RBFOX3: variants seen among roughly 807,000 people sequenced by gnomAD.
The protein encoded by RBFOX3 is RNA binding protein fox-1 homolog 3.
RBFOX3 carries 17 observed loss-of-function variants against 48.7 expected under a neutral mutation model. The observed-to-expected ratio is 0.35, with a 90% CI of 0.24 to 0.52. The LOEUF (loss-of-function observed/expected upper bound fraction) is 0.52. RBFOX3 is among the 20% of genes least tolerant of loss of function. The pLI is 0.94. For synonymous variants in RBFOX3, 212 were observed against 209.5 expected, an observed-to-expected ratio of 1.01 and a Z score of -0.10; for missense variants, 382 against 497.5, an observed-to-expected ratio of 0.77 and a Z score of 2.21.
intron 3 of RBFOX3, among the ~76,000 whole-genome samples, chr17:79,277,308 G>GTGT (rs1600371156): frequency 2.0e-5 from 3 of 148,252 alleles, no homozygotes; most frequent in African/African-American, 7.5e-5. Context: ...TGGGGAGGGG[G>GTGT]GGGGTAGTGC....
chr17:79,533,199 C>A (rs1472475638), intron 1 of RBFOX3, among the ~76,000 whole-genome samples: 1 of 152,250 alleles, frequency 6.6e-6, no homozygotes, highest in East Asian at 1.9e-4. Flanking sequence ...TTCATGTCTA[C>A]TTCATGGCCT....
intron 3 of RBFOX3, among the ~76,000 whole-genome samples, chr17:79,256,954 A>G (rs200607786): frequency 3.6e-5 from 4 of 111,274 alleles, no homozygotes; most frequent in Non-Finnish European, 8.6e-5. Context: ...AAAACAAAAA[A>G]AAAACAAAAA....
chr17:79,251,562 C>A (rs1272752376), intron 3 of RBFOX3, among the ~76,000 whole-genome samples: 1 of 152,304 alleles, frequency 6.6e-6, no homozygotes. Flanking sequence ...TTCCTTAACA[C>A]CTTCTGTACC....
At chr17:79,587,672 C>T (rs2093295420) in intron 1 of RBFOX3, among the ~76,000 whole-genome samples, 1 of 152,178 alleles carries the variant, frequency 6.6e-6, no homozygotes, top group Admixed American at 6.5e-5. Flanking sequence ...CTTCAGACCA[C>T]AAGCTTCGGA....
At position 79,359,625 on chromosome 17, in the gene RBFOX3, C is replaced by T. The variant is rs192614211; in HGVS notation, c.-174-51801G>A. Among the ~76,000 whole-genome samples, 52 of 152,254 alleles carry T rather than the reference C, an allele frequency of 3.4e-4. No homozygotes were observed. The East Asian group carries it at 5.2e-3, about 15-fold the overall frequency. ...GAGAAAATCACCCACCTCTCCACCC[C>T]GACTAAGGCAGGACCATAGGATGGG... On this transcript the variant is annotated intron_variant, in intron 2 of 14. Transcript: ENST00000693108.
intron 1 of RBFOX3, among the ~76,000 whole-genome samples, chr17:79,588,358 G>C (rs936527922): frequency 6.6e-6 from 1 of 152,158 alleles, no homozygotes; most frequent in African/African-American, 2.4e-5. Flanking sequence ...GAGACATTCT[G>C]GGCTTCATCC....
At chr17:79,334,476 G>C (rs1805008233) in intron 2 of RBFOX3, among the ~76,000 whole-genome samples, 1 of 152,180 alleles carries the variant, frequency 6.6e-6, no homozygotes, top group African/African-American at 2.4e-5. Flanking sequence ...TGCATCCTTA[G>C]TGTTCAGATC....
intron 4 of RBFOX3, among the ~76,000 whole-genome samples, chr17:79,226,977 C>T (rs764061531): frequency 1.1e-4 from 16 of 152,300 alleles, no homozygotes; most frequent in South Asian, 4.1e-4. Context: ...TGGGCAGGGA[C>T]CTCTCACTCT....
the RBFOX3 span, among the ~76,000 whole-genome samples, chr17:79,632,057 C>T: frequency 1.3e-5 from 2 of 152,168 alleles, no homozygotes; most frequent in Non-Finnish European, 2.9e-5. Context: ...AGGGAGACAG[C>T]GAGCCCTCCG....
intron 4 of RBFOX3, among the ~76,000 whole-genome samples, chr17:79,159,416 C>A (rs1233203205): frequency 6.6e-6 from 1 of 152,178 alleles, no homozygotes; most frequent in Non-Finnish European, 1.5e-5. Context: ...CCCGGCTTAG[C>A]CCAAGCCGCA....
At chr17:79,612,806 C>A (rs1485328352), upstream of RBFOX3, among the ~76,000 whole-genome samples, 1 of 152,208 alleles carries the variant, frequency 6.6e-6, no homozygotes, top group Admixed American at 6.5e-5. Flanking sequence ...GCCTCCAACT[C>A]CCGGCTGGGC....
intron 2 of RBFOX3, among the ~76,000 whole-genome samples, chr17:79,318,909 A>G (rs2077976276): frequency 6.8e-6 from 1 of 147,500 alleles, no homozygotes; most frequent in Non-Finnish European, 1.5e-5. Flanking sequence ...GCATTTGGAG[A>G]TATACCTAAT....
rs574878856 is a variant in RBFOX3 at position 79,361,049 on chromosome 17, C to T, written c.-174-53225G>A. Among the ~76,000 whole-genome samples the T allele has an allele frequency of 4.6e-5, 7 of 152,192 alleles. No individual in the cohort carries two copies. Among genetic ancestry groups the T allele is most frequent in the Admixed American group, 6.5e-5 (1 of 15,284 alleles). On this transcript the variant is annotated intron_variant, in intron 2 of 14. Transcript: ENST00000693108. This position sits in a 1 kb window ranked among gnomAD's most constrained non-coding sequence, Gnocchi z 4.5. ...ATCAGCTTTTGGAAACAGAAGTTCACGTCTCAGGCAAAGGAAGGGAAAGGA... is the reference window on the plus strand; with the variant it reads ...ATCAGCTTTTGGAAACAGAAGTTCATGTCTCAGGCAAAGGAAGGGAAAGGA...
intron 4 of RBFOX3, among the ~76,000 whole-genome samples, chr17:79,193,911 C>A (rs1233003632): frequency 6.6e-6 from 1 of 151,528 alleles, no homozygotes; most frequent in Non-Finnish European, 1.5e-5. Flanking sequence ...GTGTTCCGGG[C>A]TAGGGGAGCA....
intron 2 of RBFOX3, among the ~76,000 whole-genome samples, chr17:79,430,347 A>G (rs1237531995): frequency 6.6e-6 from 1 of 152,132 alleles, no homozygotes; most frequent in Non-Finnish European, 1.5e-5. Flanking sequence ...CTCAAACATA[A>G]CATGCCTGAA....
intron 1 of RBFOX3, among the ~76,000 whole-genome samples, chr17:79,530,768 C>A (rs1400407521): frequency 1.3e-5 from 2 of 152,184 alleles, no homozygotes; most frequent in Non-Finnish European, 2.9e-5. Context: ...GGGGAGGTGC[C>A]CACATGCCGC....
In RBFOX3 at chr17:79,479,710, T is replaced by C. The variant is rs1034845433; in HGVS notation, c.-175+2744A>G. ...TTCACTGTTGATGACCCCGAGGATT[T>C]ACCTATTTGGGGGACACAGGTTCTC... On this transcript the variant is annotated intron_variant, in intron 2 of 14. Transcript: ENST00000693108. The surrounding 1 kb of genome is among the most constrained non-coding windows in gnomAD (Gnocchi z 5.1). Among the ~76,000 whole-genome samples, 4 of 152,150 alleles carry C rather than the reference T, an allele frequency of 2.6e-5. No homozygotes were observed. The highest frequency in any genetic ancestry group is 9.7e-5 in the African/African-American group (4 of 41,438).
chr17:79,260,123 C>T (rs1179152659), intron 3 of RBFOX3, among the ~76,000 whole-genome samples: 2 of 151,990 alleles, frequency 1.3e-5, no homozygotes, highest in Non-Finnish European at 2.9e-5. Flanking sequence ...ACTGAGCACC[C>T]CTGGGCCTGG....
intron 4 of RBFOX3, among the ~76,000 whole-genome samples, chr17:79,137,864 G>A (rs2040620212): frequency 1.3e-5 from 2 of 152,200 alleles, no homozygotes; most frequent in African/African-American, 4.8e-5. Flanking sequence ...TTTCCTCCCG[G>A]GTAATTGAGG....
Sources: allele counts gnomAD v4.1 joint callset (sites outside exome capture counted in the v4.1 genomes callset), GRCh38; gene constraint gnomAD v4.1.1; non-coding constraint Gnocchi (gnomAD v3.1); transcripts MANE v1.5; gene names NCBI Gene and HGNC (gene_info 2026-07-23, HGNC 2026-07-21).